The following TUBB1 variants were observed in gnomAD, a reference collection of about 807,000 sequenced individuals.
TUBB1 encodes the protein tubulin beta-1 chain.
Under a neutral mutation model 22.6 loss-of-function variants are expected in TUBB1, and 28 were observed. That is an observed-to-expected ratio of 1.24 (90% confidence interval 0.92 to 1.70). The LOEUF is 1.70. Among genes scored for constraint, TUBB1 ranks in the 40% most tolerant of loss-of-function variants. TUBB1 has a pLI of 0.00. For synonymous variants in TUBB1, 226 were observed against 238.0 expected, an observed-to-expected ratio of 0.95 and a Z score of 0.46; for missense variants, 577 against 605.5, an observed-to-expected ratio of 0.95 and a Z score of 0.49.
At position 59,024,698 on chromosome 20, in the gene TUBB1, A is replaced by G. The variant is rs971422430; in HGVS notation, c.1271A>G (p.Gln424Arg). Residue 424 changes from glutamine (Q) to arginine (R), a missense_variant, in exon 4 of 4, where the codon CAA becomes CGA. Physicochemically the swap from Gln to Arg is conservative, Grantham distance 43. Coordinates refer to ENST00000217133, the MANE Select transcript of TUBB1 (RefSeq NM_030773.4). The surrounding 1 kb of genome is among the most constrained non-coding windows in gnomAD (Gnocchi z 4.9). Reference protein sequence around the residue: ...NIHDLVSEYQQFQDAKAVLEE... With the variant: ...NIHDLVSEYQRFQDAKAVLEE... ...CATGATTTGGTATCCGAGTACCAAC[A>G]ATTTCAAGATGCCAAAGCAGTTCTA... The G allele has an allele frequency of 1.2e-6, 2 of 1,614,176 alleles. No homozygotes were observed. Among genetic ancestry groups the G allele is most frequent in the African/African-American group, 1.3e-5 (1 of 75,036 alleles).
In TUBB1 at chr20:59,024,244, C is replaced by G; in HGVS notation, c.817C>G (p.Leu273Val). The G allele has an allele frequency of 6.2e-7, 1 of 1,613,992 alleles. No individual in the cohort carries two copies. The highest frequency in any genetic ancestry group is 2.2e-5 in the East Asian group (1 of 44,898). The change falls in exon 4 of 4, where the codon CTC becomes GTC. Residue 273 changes from leucine to valine, a missense_variant. Leu to Val is a conservative substitution (Grantham distance 32, BLOSUM62 1). Transcript: ENST00000217133. The surrounding 1 kb of genome is among the most constrained non-coding windows in gnomAD (Gnocchi z 4.9). The stretch of plus-strand genomic sequence containing the variant: ...CTTCTTTATGCCCGGCTTTGCCCCA[C>G]TCACGGCCCAGGGCAGCCAGCAGTA... The part of the protein sequence containing the change: ...LHFFMPGFAP[L>V]TAQGSQQYRA...
upstream of TUBB1, among the ~76,000 whole-genome samples, chr20:59,017,518 C>T (rs1239109136): frequency 6.6e-6 from 1 of 152,232 alleles, no homozygotes; most frequent in Non-Finnish European, 1.5e-5. Flanking sequence ...CCAGACACTC[C>T]ATCGTTAGGA....
Position 59,023,779 on chromosome 20 carries a change from G to T in TUBB1, c.352G>T (p.Glu118Ter). ...AGCCGAGCTGATCGAGAATGTCCTAGAGGTGGTGAGGCACGAGAGTGAGAG... is the reference window on the plus strand; with the variant it reads ...AGCCGAGCTGATCGAGAATGTCCTATAGGTGGTGAGGCACGAGAGTGAGAG... ...EGAELIENVL[E>*]VVRHESESCD... Residue 118 changes from glutamate to a stop codon, truncating the protein, a stop_gained, in exon 4 of 4, where the codon GAG (glutamate) becomes TAG (stop). Transcript: ENST00000217133. LOFTEE classifies it high-confidence loss of function. The T allele has an allele frequency of 6.2e-7, 1 of 1,614,244 alleles. No homozygotes were observed. The highest frequency in any genetic ancestry group is 8.5e-7 in the Non-Finnish European group (1 of 1,180,042).
chr20:59,022,902 G>T lies in TUBB1; in HGVS notation c.115G>T (p.Ala39Ser), dbSNP rs2091974374. Residue 39 changes from alanine to serine, a missense_variant, in exon 2 of 4, where the codon GCC becomes TCC. Coordinates refer to ENST00000217133, the MANE Select transcript of TUBB1 (RefSeq NM_030773.4). The part of the protein sequence containing the change: ...GIDLAGSDRG[A>S]SALQLERISV... ...CGACTTGGCTGGGAGCGACCGCGGG[G>T]CCTCGGCCTTGCAGCTGGAGAGAAT... is the stretch of plus-strand genomic sequence containing the variant. 6.2e-7 allele frequency: 1 copy of T among 1,614,148 alleles called. No homozygotes were observed. The highest frequency in any genetic ancestry group is 1.6e-4 in the Middle Eastern group (1 of 6,062).
upstream of TUBB1, among the ~76,000 whole-genome samples, chr20:59,016,450 T>C (rs181832209): frequency 4.3e-4 from 65 of 152,264 alleles, no homozygotes; most frequent in African/African-American, 1.5e-3. Context: ...GCACTGCAGG[T>C]TGAAGTGCTC....
chr20:59,017,086 C>CT, upstream of TUBB1, among the ~76,000 whole-genome samples: 1 of 152,342 alleles, frequency 6.6e-6, no homozygotes, highest in Admixed American at 6.5e-5. Flanking sequence ...TCCCAGTAAG[C>CT]TGCCAGCATC....
upstream of TUBB1, among the ~76,000 whole-genome samples, chr20:59,017,842 A>G (rs1363750661): frequency 1.3e-5 from 2 of 152,230 alleles, no homozygotes; most frequent in African/African-American, 4.8e-5. Flanking sequence ...CCAAGAGTGC[A>G]GGATCTGGCC....
upstream of TUBB1, chr20:59,019,221 C>T (rs1428616281): frequency 2.1e-6 from 1 of 468,526 alleles, no homozygotes; most frequent in Non-Finnish European, 3.9e-6. Flanking sequence ...CCGAGGTGGC[C>T]TTTAATCTTG....
chr20:59,018,336 A>G (rs985528541), upstream of TUBB1, among the ~76,000 whole-genome samples: 1 of 152,034 alleles, frequency 6.6e-6, no homozygotes, highest in Admixed American at 6.5e-5. Context: ...ACTGAGGACC[A>G]GGAGACAGAA....
rs1208697616 is a variant in TUBB1, at chr20:59,026,400, G to GC, written c.*1618dup. The GC allele has an allele frequency of 6.6e-6, 1 of 152,184 alleles. No individual in the cohort carries two copies. Among genetic ancestry groups the GC allele is most frequent in the African/African-American group, 2.4e-5 (1 of 41,428 alleles). The allele number at this position is 152,184 out of a possible 1,614,324, so 9.4% of individuals were successfully genotyped here. A position where few individuals can be genotyped will look rare whatever the true frequency, so the allele number is the denominator to read the frequency against. ...TTTGAAGTTAGTAACTTCCTGAGAT[G>GC]CTAAAGACTTACAGCCTGCGATTAT... On this transcript the variant is annotated 3_prime_UTR_variant, in exon 4 of 4. Transcript: ENST00000217133.
In TUBB1 at chr20:59,024,261, C is replaced by T. The variant is rs376880265; in HGVS notation, c.834C>T (p.Ser278=). 7 of 1,613,902 alleles carry T rather than the reference C, an allele frequency of 4.3e-6. No individual in the cohort carries two copies. In the African/African-American group the frequency reaches 8.0e-5, roughly 18 times the overall value. The change falls in exon 4 of 4, where the codon AGC becomes AGT. Residue 278 remains serine (S), a synonymous_variant. Coordinates refer to ENST00000217133, the MANE Select transcript of TUBB1 (RefSeq NM_030773.4). The surrounding 1 kb of genome is among the most constrained non-coding windows in gnomAD (Gnocchi z 4.9). ...PGFAPLTAQG[S]QQYRALSVAE... ...TTGCCCCACTCACGGCCCAGGGCAG[C>T]CAGCAGTACCGAGCCCTCTCCGTGG...
In TUBB1 at chr20:59,022,902, G is replaced by A. The variant is rs2091974374; in HGVS notation, c.115G>A (p.Ala39Thr). The A allele has an allele frequency of 6.2e-7, 1 of 1,614,030 alleles. No individual in the cohort carries two copies. The highest frequency in any genetic ancestry group is 1.3e-5 in the African/African-American group (1 of 74,904). ...CGACTTGGCTGGGAGCGACCGCGGG[G>A]CCTCGGCCTTGCAGCTGGAGAGAAT... ...GIDLAGSDRG[A>T]SALQLERISV... The change falls in exon 2 of 4, where the codon GCC becomes ACC. Residue 39 changes from alanine (A) to threonine (T), a missense_variant. By Grantham distance (58) the Ala-to-Thr change is moderately conservative. Transcript: ENST00000217133.
Position 59,024,292 on chromosome 20 carries a change from C to A in TUBB1, c.865C>A (p.Leu289Ile). Residue 289 changes from leucine to isoleucine, a missense_variant, in exon 4 of 4, where the codon CTC (leucine) becomes ATC (isoleucine). Physicochemically the swap from Leu to Ile is conservative, Grantham distance 5. Transcript: ENST00000217133. The surrounding 1 kb of genome is among the most constrained non-coding windows in gnomAD (Gnocchi z 4.9). ...QQYRALSVAE[L>I]TQQMFDARNT... ...GTACCGAGCCCTCTCCGTGGCCGAG[C>A]TCACCCAGCAGATGTTCGATGCCCG... 6.2e-7 allele frequency: 1 copy of A among 1,613,996 alleles called. No individual in the cohort carries two copies. Among genetic ancestry groups the A allele is most frequent in the Non-Finnish European group, 8.5e-7 (1 of 1,180,038 alleles).
At chr20:59,022,603 G>A (rs1320771559) in intron 1 of TUBB1, among the ~76,000 whole-genome samples, 1 of 152,158 alleles carries the variant, frequency 6.6e-6, no homozygotes, top group Non-Finnish European at 1.5e-5. Flanking sequence ...TTAGTACTTT[G>A]TGTTTGACAT....
At chr20:59,023,405 G>T in intron 2 of TUBB1, 85 bp from the exon 3 acceptor site, 1 of 1,258,242 alleles carries the variant, frequency 7.9e-7, no homozygotes. Flanking sequence ...ATTTTTTTTG[G>T]ACCAGTATCA....
At position 59,023,864 on chromosome 20, in the gene TUBB1, G is replaced by C. The variant is rs1403185885; in HGVS notation, c.437G>C (p.Gly146Ala). The change falls in exon 4 of 4, where the codon GGG becomes GCG. Residue 146 changes from glycine to alanine, a missense_variant. Physicochemically the swap from Gly to Ala is moderately conservative, Grantham distance 60. Coordinates refer to ENST00000217133, the MANE Select transcript of TUBB1 (RefSeq NM_030773.4). ...VHSLGGGTGS[G>A]MGTLLMNKIR... Reference sequence around the variant, plus strand: ...TCCCTGGGCGGGGGCACAGGCTCCGGGATGGGCACTCTGCTCATGAACAAG... The same window carrying C: ...TCCCTGGGCGGGGGCACAGGCTCCGCGATGGGCACTCTGCTCATGAACAAG... 2 of 1,614,120 alleles carry C rather than the reference G, an allele frequency of 1.2e-6. No individual in the cohort carries two copies. Among genetic ancestry groups the C allele is most frequent in the Admixed American group, 3.3e-5 (2 of 60,020 alleles).
At chr20:59,019,344 C>T (rs369990958), upstream of TUBB1, 70 of 682,706 alleles carry the variant, frequency 1.0e-4, no homozygotes, top group Middle Eastern at 7.7e-4. Flanking sequence ...TGGCTGAGGG[C>T]GGGGAGCTGG....
chr20:59,025,059 GT>G lies in TUBB1; in HGVS notation c.*279del. ...AAATTTATTGTAAAGTGCTCCCTTT[GT>G]TTCAAAGTGTTTGCCAGGCATCCAG... On this transcript the variant is annotated 3_prime_UTR_variant, in exon 4 of 4. Coordinates refer to ENST00000217133, the MANE Select transcript of TUBB1 (RefSeq NM_030773.4). The G allele has an allele frequency of 2.2e-6, 1 of 459,656 alleles. No individual in the cohort carries two copies. The highest frequency in any genetic ancestry group is 4.0e-6 in the Non-Finnish European group (1 of 248,972). 28.5% of individuals were successfully genotyped at this position (459,656 alleles called of 1,614,324 possible).
upstream of TUBB1, among the ~76,000 whole-genome samples, chr20:59,018,659 T>C (rs143392300): frequency 5.4e-4 from 82 of 152,330 alleles, no homozygotes; most frequent in African/African-American, 1.8e-3. Context: ...TCTGCCCACC[T>C]TGGCCTCTCA....
Sources: allele counts gnomAD v4.1 joint callset (sites outside exome capture counted in the v4.1 genomes callset), GRCh38; gene constraint gnomAD v4.1.1; non-coding constraint Gnocchi (gnomAD v3.1); transcripts MANE v1.5; gene names NCBI Gene and HGNC (gene_info 2026-07-23, HGNC 2026-07-21).